Variants in MTUS2 observed in about 807,000 individuals in gnomAD.
MTUS2 encodes the protein microtubule-associated tumor suppressor candidate 2.
In MTUS2, 40 loss-of-function variants were observed where a neutral mutation model predicts 114.1. That is an observed-to-expected ratio of 0.35 (90% CI 0.27 to 0.46). MTUS2 has a LOEUF of 0.46. Ranked by LOEUF, MTUS2 falls within the 20% of genes least tolerant of loss-of-function variation. The probability of loss-of-function intolerance (pLI) is 1.00; values close to 1 mark genes in which losing one functional copy is unlikely to be tolerated. For missense variants in MTUS2, 1,679 were observed against 1,705.4 expected, an observed-to-expected ratio of 0.98 and a Z score of 0.27; for synonymous variants, 688 against 672.0, an observed-to-expected ratio of 1.02 and a Z score of -0.37.
chr13:29,420,594 G>A (rs148307961), intron 8 of MTUS2, among the ~76,000 whole-genome samples: 4 of 152,182 alleles, frequency 2.6e-5, no homozygotes, highest in African/African-American at 9.6e-5. Context: ...TTTCTTTATA[G>A]CAAGAGTCAC....
In MTUS2 at chr13:29,440,047, T is replaced by C; in HGVS notation, c.3182T>C (p.Val1061Ala). 6.3e-7 allele frequency: 1 copy of C among 1,581,452 alleles called. No individual in the cohort carries two copies. The highest frequency in any genetic ancestry group is 8.6e-7 in the Non-Finnish European group (1 of 1,161,666). The change falls in exon 9 of 16, where the codon GTT becomes GCT. Residue 1061 changes from valine (V) to alanine (A), a missense_variant and splice_region_variant. This residue lies in a region of MTUS2 where 822 missense variants were observed against 899.7 expected (regional missense o/e 0.91). Coordinates refer to ENST00000612955, the MANE Select transcript of MTUS2 (RefSeq NM_001033602.4). ...GAACTTGCAAACATCAGGGATGAAG[T>C]TGGTAAGTAGGGCATTGACAATGAG... Reference protein sequence around the residue: ...SIELANIRDEVAFHTAKCEKL... With the variant: ...SIELANIRDEAAFHTAKCEKL...
At chr13:29,057,564 T>G (rs973605685) in intron 4 of MTUS2, among the ~76,000 whole-genome samples, 2 of 152,180 alleles carry the variant, frequency 1.3e-5, no homozygotes, top group African/African-American at 4.8e-5. Flanking sequence ...CTTCTTTTTC[T>G]GTTTTTGATC....
intron 7 of MTUS2, among the ~76,000 whole-genome samples, chr13:29,345,629 C>G (rs1379656774): frequency 6.6e-6 from 1 of 152,006 alleles, no homozygotes; most frequent in Non-Finnish European, 1.5e-5. Flanking sequence ...GCTTCATACT[C>G]AAACTTCTGA....
At chr13:28,862,597 A>C (rs1877061539) in intron 2 of MTUS2, among the ~76,000 whole-genome samples, 1 of 152,232 alleles carries the variant, frequency 6.6e-6, no homozygotes, top group Non-Finnish European at 1.5e-5. Context: ...TGGGCGCGGC[A>C]GAGCAAGACT....
At chr13:29,325,904 A>G (rs1900491979) in intron 7 of MTUS2, among the ~76,000 whole-genome samples, 1 of 152,220 alleles carries the variant, frequency 6.6e-6, no homozygotes, top group Non-Finnish European at 1.5e-5. Context: ...AACCTAAGCA[A>G]TCTGTGTCCC....
chr13:28,928,360 C>G (rs563328038), intron 2 of MTUS2, among the ~76,000 whole-genome samples: 42 of 152,130 alleles, frequency 2.8e-4, no homozygotes, highest in African/African-American at 8.2e-4. Flanking sequence ...ACCCACTTGA[C>G]AAGGGATTAA....
chr13:29,363,015 G>T (rs1210388669), intron 8 of MTUS2, among the ~76,000 whole-genome samples: 1 of 152,186 alleles, frequency 6.6e-6, no homozygotes, highest in Non-Finnish European at 1.5e-5. Context: ...CCTGCAGCAA[G>T]GTATGTTCCT....
intron 2 of MTUS2, among the ~76,000 whole-genome samples, chr13:28,960,193 C>T (rs920343463): frequency 2.0e-5 from 3 of 152,164 alleles, no homozygotes; most frequent in Non-Finnish European, 4.4e-5. Context: ...CCACATCACA[C>T]CCACTAGGAT....
chr13:29,338,296 A>C (rs1901186952), intron 7 of MTUS2, among the ~76,000 whole-genome samples: 2 of 152,158 alleles, frequency 1.3e-5, no homozygotes, highest in South Asian at 4.1e-4. Flanking sequence ...TTATCTAAAA[A>C]ATATTTGCAG....
intron 5 of MTUS2, among the ~76,000 whole-genome samples, chr13:29,134,677 A>G (rs1312279906): frequency 1.3e-5 from 2 of 152,050 alleles, no homozygotes; most frequent in African/African-American, 4.8e-5. Context: ...GGCTCACTGC[A>G]ACTTCCGCCT....
intron 2 of MTUS2, among the ~76,000 whole-genome samples, chr13:29,005,212 A>G (rs1358117130): frequency 6.6e-6 from 1 of 152,162 alleles, no homozygotes; most frequent in Non-Finnish European, 1.5e-5. Flanking sequence ...GCTCCTGTGG[A>G]CAGTGATGAG....
intron 2 of MTUS2, among the ~76,000 whole-genome samples, chr13:28,903,626 G>A (rs993140074): frequency 1.1e-4 from 16 of 151,850 alleles, no homozygotes; most frequent in African/African-American, 3.6e-4. Flanking sequence ...GCATTCCATG[G>A]TGTATATGTG....
chr13:29,129,971 C>T (rs1023268299), intron 5 of MTUS2, among the ~76,000 whole-genome samples: 6 of 152,104 alleles, frequency 3.9e-5, no homozygotes, highest in African/African-American at 1.4e-4. Context: ...GGAGGCCTTA[C>T]TGCTGTTTGT....
At chr13:29,346,807 C>G (rs575748235) in intron 7 of MTUS2, among the ~76,000 whole-genome samples, 5 of 147,658 alleles carry the variant, frequency 3.4e-5, no homozygotes, top group Non-Finnish European at 5.9e-5. Flanking sequence ...GCAGAAATGG[C>G]TTCCCTGGGG....
chr13:28,844,176 G>A (rs775046647), intron 2 of MTUS2, among the ~76,000 whole-genome samples: 34 of 152,178 alleles, frequency 2.2e-4, no homozygotes, highest in Non-Finnish European at 1.6e-4. Context: ...CCATTTGGTC[G>A]TGATTTCCTG....
intron 5 of MTUS2, among the ~76,000 whole-genome samples, chr13:29,142,075 T>A (rs550336049): frequency 2.9e-3 from 441 of 152,218 alleles, no homozygotes; most frequent in Non-Finnish European, 5.4e-3. Context: ...TTAGCCAGGA[T>A]GGTCTCGATC....
chr13:29,498,271 G>GC, intron 13 of MTUS2, 147 bp from the exon 14 acceptor site: 1 of 1,150,250 alleles, frequency 8.7e-7, no homozygotes. Flanking sequence ...ATCAGGGAAG[G>GC]CTGTGAGCAT....
chr13:29,088,843 A>G (rs1369307732), intron 4 of MTUS2, among the ~76,000 whole-genome samples: 2 of 151,718 alleles, frequency 1.3e-5, no homozygotes, highest in African/African-American at 2.4e-5. Context: ...TCCTTACTTT[A>G]TGGGTGTCAT....
chr13:28,826,728 T>C (rs915615155), intron 1 of MTUS2, among the ~76,000 whole-genome samples: 37 of 152,210 alleles, frequency 2.4e-4, no homozygotes, highest in African/African-American at 8.2e-4. Flanking sequence ...CAGGCTGATA[T>C]TGATACACTG....
Sources: gnomAD v4.1 joint callset for allele counts (sites outside exome capture counted in the v4.1 genomes callset) on GRCh38, gnomAD v4.1.1 for gene constraint, gnomAD v4.1.1 regional missense constraint, MANE v1.5 for transcripts, NCBI Gene and HGNC (gene_info 2026-07-23, HGNC 2026-07-21) for gene names.